DPH6: variants seen among roughly 807,000 people sequenced by gnomAD.
The protein encoded by DPH6 is diphthine--ammonia ligase.
In DPH6, 33 loss-of-function variants were observed where a neutral mutation model predicts 38.2. The observed-to-expected ratio is 0.86, with a 90% confidence interval of 0.65 to 1.15. The LOEUF (loss-of-function observed/expected upper bound fraction) is 1.15, where lower values mean the gene tolerates loss of function less well. Ranked by LOEUF, DPH6 falls within the 50% of genes most tolerant of loss-of-function variation. The pLI, the probability that DPH6 is intolerant of heterozygous loss-of-function variation, is 0.00. For synonymous variants in DPH6, 108 were observed against 103.0 expected, an observed-to-expected ratio of 1.05 and a Z score of -0.30; for missense variants, 325 against 320.0, an observed-to-expected ratio of 1.02 and a Z score of -0.12.
At chr15:35,380,693 CATT>C (rs1243179340) in intron 7 of DPH6, among the ~76,000 whole-genome samples, 1 of 152,098 alleles carries the variant, frequency 6.6e-6, no homozygotes, top group African/African-American at 2.4e-5. Flanking sequence ...ATAGTTGACT[CATT>C]AATTGTTTTG....
chr15:35,222,884 C>T (rs11853711), intron 3 of DPH6, among the ~76,000 whole-genome samples: 25,615 of 152,054 alleles, frequency 0.17, 2,377 homozygotes, highest in South Asian at 0.29. Context: ...AATTGTGAGG[C>T]AGGTAAGTAG....
At chr15:35,262,501 T>C (rs188275390) in intron 3 of DPH6, among the ~76,000 whole-genome samples, 2 of 152,190 alleles carry the variant, frequency 1.3e-5, no homozygotes, top group African/African-American at 4.8e-5. Flanking sequence ...GGTCAGGAGA[T>C]GAAGACCATC....
At chr15:35,276,912 G>C (rs894450501) in intron 3 of DPH6, among the ~76,000 whole-genome samples, 1 of 152,030 alleles carries the variant, frequency 6.6e-6, no homozygotes, top group Non-Finnish European at 1.5e-5. Context: ...GGATATGTGG[G>C]CTCTTTTTTG....
intron 3 of DPH6, among the ~76,000 whole-genome samples, chr15:35,361,284 T>G (rs1203323080): frequency 6.6e-6 from 1 of 152,212 alleles, no homozygotes; most frequent in East Asian, 1.9e-4. Flanking sequence ...CATTTTCGTC[T>G]GTGAATGTTT....
intron 3 of DPH6, among the ~76,000 whole-genome samples, chr15:35,268,181 AAAT>A (rs2051796172): frequency 1.5e-5 from 1 of 66,352 alleles, no homozygotes; most frequent in Non-Finnish European, 2.7e-5. Flanking sequence ...AAAAATAAAT[AAAT>A]AAATAAATAA....
At chr15:35,164,733 A>C in the DPH6 span, among the ~76,000 whole-genome samples, 1 of 152,022 alleles carries the variant, frequency 6.6e-6, no homozygotes, top group Non-Finnish European at 1.5e-5. Context: ...TTAACAGTGA[A>C]TGCCAACCAA....
the DPH6 span, among the ~76,000 whole-genome samples, chr15:35,190,730 C>T: frequency 6.6e-6 from 1 of 152,190 alleles, no homozygotes; most frequent in Non-Finnish European, 1.5e-5. Flanking sequence ...TGGGCAAAGA[C>T]AGTTATCATC....
At chr15:35,485,231 G>A (rs1158880385) in intron 3 of DPH6, among the ~76,000 whole-genome samples, 1 of 152,190 alleles carries the variant, frequency 6.6e-6, no homozygotes, top group Non-Finnish European at 1.5e-5. Context: ...AGAGAGAGAA[G>A]TGAGAGTTAG....
chr15:35,514,883 T>C (rs1219221257), intron 3 of DPH6, among the ~76,000 whole-genome samples: 1 of 152,154 alleles, frequency 6.6e-6, no homozygotes, highest in Admixed American at 6.5e-5. Context: ...AACTTAGTAA[T>C]ACTGGCCAGA....
chr15:35,460,436 A>T (rs557516540), intron 3 of DPH6, among the ~76,000 whole-genome samples: 15 of 152,328 alleles, frequency 9.8e-5, no homozygotes, highest in Admixed American at 8.5e-4. Context: ...ACTGGACCCT[A>T]AATAGGCTGG....
chr15:35,336,874 C>T lies in DPH6; in HGVS notation n.208-5797G>A, dbSNP rs544937704. Among the ~76,000 whole-genome samples the T allele has an allele frequency of 5.9e-5, 9 of 152,120 alleles. No individual in the cohort carries two copies. The East Asian group carries it at 1.7e-3, about 29-fold the overall frequency. On this transcript the variant is annotated intron_variant and non_coding_transcript_variant, in intron 3 of 3. Coordinates refer to the DPH6 transcript ENST00000558973. ...AGTATTTTATTGAGGATTTTTGCAT[C>T]AATGTTCATCAAGGATATTGGTCTA... is the stretch of plus-strand genomic sequence containing the variant.
chr15:35,354,975 T>C (rs1018228949), intron 3 of DPH6, among the ~76,000 whole-genome samples: 1 of 152,198 alleles, frequency 6.6e-6, no homozygotes, highest in African/African-American at 2.4e-5. Flanking sequence ...GCTCCTGTAT[T>C]GGGTGCATAC....
exon 4 of DPH6, chr15:35,219,289 T>G (rs2051428212): frequency 6.6e-6 from 1 of 152,200 alleles, no homozygotes; most frequent in Non-Finnish European, 1.5e-5. Context: ...AGTTTATCAT[T>G]TTAGGTTAAA....
intron 5 of DPH6, among the ~76,000 whole-genome samples, chr15:35,413,504 T>C (rs1385726446): frequency 1.3e-4 from 20 of 151,782 alleles, no homozygotes; most frequent in Admixed American, 1.2e-3. Context: ...AACTTCTTGA[T>C]GGAATTATTC....
rs75219553 is a variant in DPH6, at chr15:35,398,561, C to G, written c.567+12274G>C. On this transcript the variant is annotated intron_variant, in intron 6 of 8. Coordinates refer to ENST00000256538, the MANE Select transcript of DPH6 (RefSeq NM_080650.4). ...AGCCTGGAAGCTCTGTGCCGCCTTC[C>G]TACATACATTGCCCTATGCATCTCT... Among the ~76,000 whole-genome samples, 619 of 152,282 alleles carry G rather than the reference C, an allele frequency of 4.1e-3. 1 individual carries two copies. The highest frequency in any genetic ancestry group is 0.014 in the African/African-American group (586 of 41,560).
At chr15:35,153,723 G>C in the DPH6 span, among the ~76,000 whole-genome samples, 2 of 152,170 alleles carry the variant, frequency 1.3e-5, no homozygotes, top group Non-Finnish European at 2.9e-5. Context: ...GAAAGACAGA[G>C]AGAGAGAGAA....
chr15:35,287,827 A>G (rs1390456038), intron 3 of DPH6, among the ~76,000 whole-genome samples: 1 of 152,208 alleles, frequency 6.6e-6, no homozygotes, highest in Non-Finnish European at 1.5e-5. Flanking sequence ...TATAAAGACA[A>G]ATAAAGGAGA....
intron 3 of DPH6, among the ~76,000 whole-genome samples, chr15:35,259,150 A>G (rs1182627920): frequency 6.6e-6 from 1 of 151,830 alleles, no homozygotes; most frequent in African/African-American, 2.4e-5. Context: ...GTCTCAAAAA[A>G]AAAAAAAAAA....
At chr15:35,413,087 G>T (rs1259519491) in intron 5 of DPH6, among the ~76,000 whole-genome samples, 1 of 151,382 alleles carries the variant, frequency 6.6e-6, no homozygotes, top group African/African-American at 2.4e-5. Context: ...ATGGGGTCAG[G>T]GTAAATGGAA....
Sources: allele counts gnomAD v4.1 joint callset (sites outside exome capture counted in the v4.1 genomes callset), GRCh38; gene constraint gnomAD v4.1.1; transcripts MANE v1.5; gene names NCBI Gene and HGNC (gene_info 2026-07-23, HGNC 2026-07-21).